The following TMEM94 variants were observed in gnomAD, a reference collection of about 807,000 sequenced individuals.
TMEM94 encodes the protein ER Mg2+ ATPase.
A neutral mutation model predicts 158.6 loss-of-function variants in TMEM94; 81 were observed. The observed-to-expected ratio is 0.51, with a 90% CI of 0.43 to 0.61. The LOEUF is 0.61. Among genes scored for constraint, TMEM94 ranks in the 20% least tolerant of loss-of-function variants. The probability of loss-of-function intolerance (pLI) is 0.00; values close to 1 mark genes in which losing one functional copy is unlikely to be tolerated. For synonymous variants in TMEM94, 751 were observed against 730.7 expected, an observed-to-expected ratio of 1.03 and a Z score of -0.45; for missense variants, 1,435 against 1,762.0, an observed-to-expected ratio of 0.81 and a Z score of 3.32.
intron 2 of TMEM94, among the ~76,000 whole-genome samples, chr17:75,478,447 C>A (rs978718162): frequency 2.0e-5 from 3 of 152,010 alleles, no homozygotes; most frequent in Non-Finnish European, 4.4e-5. Context: ...ACGGAAGCGG[C>A]ACAGGAGAGC....
intron 2 of TMEM94, among the ~76,000 whole-genome samples, chr17:75,481,510 G>A (rs1211883541): frequency 6.6e-6 from 1 of 152,230 alleles, no homozygotes; most frequent in Non-Finnish European, 1.5e-5. Context: ...GCAGGGGGCA[G>A]CATCCCTGGG....
In TMEM94 at chr17:75,490,073, G is replaced by A. The variant is rs113777250; in HGVS notation, c.955-161G>A. The A allele has an allele frequency of 5.6e-3, 5,258 of 940,266 alleles. 196 individuals are homozygous for A. In the African/African-American group the frequency reaches 0.12, roughly 22 times the overall value. 58.2% of individuals were successfully genotyped at this position (940,266 alleles called of 1,614,324 possible). ...CAGCCTGGCGACGGAGCAAGACTCC[G>A]TCTCAAAAAAAAAAAAAAAGAACAC... On this transcript the variant is annotated intron_variant, in intron 9 of 31. Coordinates refer to ENST00000314256, the MANE Select transcript of TMEM94 (RefSeq NM_014738.6).
rs747217252 is a variant in TMEM94, at chr17:75,486,379, G to A, written c.362G>A (p.Arg121His). 1.5e-5 allele frequency: 24 copies of A among 1,614,112 alleles called. No individual in the cohort carries two copies. The highest frequency in any genetic ancestry group is 1.3e-5 in the African/African-American group (1 of 74,934). Residue 121 changes from arginine (R) to histidine (H), a missense_variant, in exon 5 of 32, where the codon CGT (arginine) becomes CAT (histidine). Coordinates refer to ENST00000314256, the MANE Select transcript of TMEM94 (RefSeq NM_014738.6). Reference sequence around the variant, plus strand: ...ATCGGGCGGCAAGACCGGCTGAAGCGTCGGGAGGTAGAGCGGAGGCTGCGA... The same window carrying A: ...ATCGGGCGGCAAGACCGGCTGAAGCATCGGGAGGTAGAGCGGAGGCTGCGA... The part of the protein sequence containing the change: ...VLIGRQDRLK[R>H]REVERRLRGI...
rs1410403532 is a variant in TMEM94 at position 75,496,327 on chromosome 17, C to G, written c.3099C>G (p.Thr1033=). ...ACCCATCCCGTTGCTCCTGGGAGAC[C>G]TTTGGCTACGCCACCAGCATCAGCA... ...PLYPSRCSWE[T]FGYATSISMA... Residue 1033 remains threonine (T), a synonymous_variant, in exon 24 of 32, where the codon ACC becomes ACG. Transcript: ENST00000314256. 61 of 1,614,070 alleles carry G rather than the reference C, an allele frequency of 3.8e-5. 1 individual carries two copies. The East Asian group carries it at 1.3e-3, about 35-fold the overall frequency.
rs371674695 is a variant in TMEM94 at position 75,496,550 on chromosome 17, T to C, written c.3243+79T>C. 1.4e-3 allele frequency: 2,077 copies of C among 1,519,046 alleles called. 31 individuals are homozygous for C. In the Middle Eastern group the frequency reaches 0.061, roughly 44 times the overall value. 94.1% of individuals were successfully genotyped at this position (1,519,046 alleles called of 1,614,324 possible). A position where few individuals can be genotyped will look rare whatever the true frequency, so the allele number is the denominator to read the frequency against. On this transcript the variant is annotated intron_variant, in intron 24 of 31. Coordinates refer to ENST00000314256, the MANE Select transcript of TMEM94 (RefSeq NM_014738.6). ...GTGGGAGTAGCAGCAAAGGACCTGT[T>C]TGAACCCGGGGACCTCATTCCCCAG...
rs773740855 is a variant in TMEM94 at position 75,485,932 on chromosome 17, G to A, written c.206G>A (p.Gly69Glu). ...SNRCSCFHWP[G>E]ASLMLLAVLL... is the part of the protein sequence containing the mutation. The stretch of plus-strand genomic sequence containing the variant: ...CGCTGCTCCTGCTTCCACTGGCCGG[G>A]GGCCTCACTCATGCTACTGGCCGTG... Residue 69 changes from glycine to glutamate, a missense_variant, in exon 4 of 32, where the codon GGG becomes GAG. Gly to Glu is a moderately conservative substitution (Grantham distance 98). Coordinates refer to ENST00000314256, the MANE Select transcript of TMEM94 (RefSeq NM_014738.6). The surrounding 1 kb of genome is among the most constrained non-coding windows in gnomAD (Gnocchi z 5.5). The A allele has an allele frequency of 1.9e-6, 3 of 1,613,800 alleles. No individual in the cohort carries two copies. Among genetic ancestry groups the A allele is most frequent in the Non-Finnish European group, 2.5e-6 (3 of 1,179,950 alleles).
rs61277546 is a variant in TMEM94, at chr17:75,485,036, TAAA to T, written c.25-377_25-375del. 2.3e-5 allele frequency among the ~76,000 whole-genome samples: 3 copies of T among 129,442 alleles called. No individual in the cohort carries two copies. The highest frequency in any genetic ancestry group is 5.0e-5 in the Non-Finnish European group (3 of 59,432). The allele number at this position is 129,442 out of a possible 152,430, so 84.9% of individuals were successfully genotyped here. ...CTAGGAGACTAAGCAAGACTCTATC[TAAA>T]AAAAAAAAAAAAAATTGTCCATGCA... On this transcript the variant is annotated intron_variant, in intron 2 of 31. Transcript: ENST00000314256. This position sits in a 1 kb window ranked among gnomAD's most constrained non-coding sequence, Gnocchi z 5.5.
chr17:75,489,550 G>A lies in TMEM94; in HGVS notation c.868-26G>A, dbSNP rs1243724652. 1 of 1,607,086 alleles carries A rather than the reference G, an allele frequency of 6.2e-7. No individual in the cohort carries two copies. The highest frequency in any genetic ancestry group is 1.1e-5 in the South Asian group (1 of 90,948). On this transcript the variant is annotated intron_variant, in intron 8 of 31. Transcript: ENST00000314256. This position sits in a 1 kb window ranked among gnomAD's most constrained non-coding sequence, Gnocchi z 5.0. ...GGTCCCTCTAGAGGGGCGGGGTCAAGGCTGTGCCTCTGCTGTTCCCAACAG... is the reference window on the plus strand; with the variant it reads ...GGTCCCTCTAGAGGGGCGGGGTCAAAGCTGTGCCTCTGCTGTTCCCAACAG...
In TMEM94 at chr17:75,491,130, C is replaced by A; in HGVS notation, c.1210C>A (p.Leu404Met). The change falls in exon 12 of 32, where the codon CTG becomes ATG. Residue 404 changes from leucine to methionine, a missense_variant. This residue lies in a region of TMEM94 where 1,051 missense variants were observed against 1,254.4 expected (regional missense o/e 0.84). Transcript: ENST00000314256. The surrounding 1 kb of genome is among the most constrained non-coding windows in gnomAD (Gnocchi z 5.1). Reference protein sequence around the residue: ...SPTLSHSSSLLHSLGSVTVLC... With the variant: ...SPTLSHSSSLMHSLGSVTVLC... ...AACGCTGAGCCACAGTTCCAGCCTG[C>A]TGCACAGCCTGGGCTCTGTCACGGT... 1 of 1,612,492 alleles carries A rather than the reference C, an allele frequency of 6.2e-7. No homozygotes were observed. Among genetic ancestry groups the A allele is most frequent in the Non-Finnish European group, 8.5e-7 (1 of 1,179,096 alleles).
In TMEM94 at chr17:75,485,463, G is replaced by A. The variant is rs1473271795; in HGVS notation, c.60G>A (p.Arg20=). ...EPPSALGLST[R]KALSVLKEQL... ...CCTCAGCCCTGGGCCTGTCCACGCG[G>A]AAGGCCCTCAGCGTCCTGAAGGAGC... Residue 20 remains arginine (R), a synonymous_variant, in exon 3 of 32, where the codon CGG becomes CGA. Transcript: ENST00000314256. This position sits in a 1 kb window ranked among gnomAD's most constrained non-coding sequence, Gnocchi z 5.5. 6.2e-7 allele frequency: 1 copy of A among 1,614,144 alleles called. No homozygotes were observed. The highest frequency in any genetic ancestry group is 8.5e-7 in the Non-Finnish European group (1 of 1,179,970).
In TMEM94 at chr17:75,492,230, TC is replaced by T; in HGVS notation, c.1597-243del. Reference sequence around the variant, plus strand: ...GTGTCCTCTTTGGTCTGGCCACCCCTCTTTTTAGCTCCTGCCAGTGTCATGA... The same window carrying T: ...GTGTCCTCTTTGGTCTGGCCACCCCTTTTTTAGCTCCTGCCAGTGTCATGA... On this transcript the variant is annotated intron_variant, in intron 14 of 31. Transcript: ENST00000314256. The surrounding 1 kb of genome is among the most constrained non-coding windows in gnomAD (Gnocchi z 4.4). 2.1e-6 allele frequency: 3 copies of T among 1,417,934 alleles called. No individual in the cohort carries two copies. Among genetic ancestry groups the T allele is most frequent in the Non-Finnish European group, 2.8e-6 (3 of 1,090,780 alleles). 87.8% of individuals were successfully genotyped at this position (1,417,934 alleles called of 1,614,324 possible).
At position 75,487,906 on chromosome 17, in the gene TMEM94, T is replaced by A. The variant is rs1341964372; in HGVS notation, c.410-26T>A. 5.7e-6 allele frequency: 9 copies of A among 1,586,710 alleles called. No homozygotes were observed. Among genetic ancestry groups the A allele is most frequent in the Non-Finnish European group, 7.8e-6 (9 of 1,155,984 alleles). ...GGGGCAGGGCCGTGGCTGAGAGGGT[T>A]GTTTCCCTCTTTCCATTCCCCTCAG... On this transcript the variant is annotated intron_variant, in intron 5 of 31. Transcript: ENST00000314256. This position sits in a 1 kb window ranked among gnomAD's most constrained non-coding sequence, Gnocchi z 4.6.
Position 75,496,459 on chromosome 17 carries a change from G to T in TMEM94, c.3231G>T (p.Arg1077=). Residue 1077 remains arginine (R), a synonymous_variant, in exon 24 of 32, where the codon CGG becomes CGT. Transcript: ENST00000314256. ...FRQEETISII[R]LIEQARHATY... is the part of the protein sequence containing the mutation. Reference sequence around the variant, plus strand: ...AGGAGGAGACCATCAGCATCATCCGGCTTATCGAACAGGTGGGTGCTTCGG... The same window carrying T: ...AGGAGGAGACCATCAGCATCATCCGTCTTATCGAACAGGTGGGTGCTTCGG... 5 of 1,612,468 alleles carry T rather than the reference G, an allele frequency of 3.1e-6. No homozygotes were observed. The highest frequency in any genetic ancestry group is 4.2e-6 in the Non-Finnish European group (5 of 1,179,262).
chr17:75,472,463 A>G (rs1482356548), intron 2 of TMEM94, among the ~76,000 whole-genome samples: 1 of 152,210 alleles, frequency 6.6e-6, no homozygotes, highest in African/African-American at 2.4e-5. Flanking sequence ...TAGAGTTGTC[A>G]ATCAGAAAAC....
At chr17:75,497,714 C>G (rs1361435702) in intron 26 of TMEM94, 67 bp from the exon 27 acceptor site, 1 of 1,300,958 alleles carries the variant, frequency 7.7e-7, no homozygotes, top group Admixed American at 1.7e-5. Context: ...CCTAGAGGTT[C>G]CCTCTATGAG....
intron 2 of TMEM94, among the ~76,000 whole-genome samples, chr17:75,483,803 A>C (rs75624238): frequency 0.053 from 8,143 of 152,206 alleles, 231 homozygotes; most frequent in Middle Eastern, 0.099. Flanking sequence ...CCTGTGAAGC[A>C]GCTGTAGGCC....
chr17:75,496,721 G>T lies in TMEM94; in HGVS notation c.3244-9G>T. 1 of 1,613,556 alleles carries T rather than the reference G, an allele frequency of 6.2e-7. No homozygotes were observed. Reference sequence around the variant, plus strand: ...ACCCAGGCCATAATCTGTCCCTCTTGGTCCCTAGGCTCGGCATGCCACCTA... The same window carrying T: ...ACCCAGGCCATAATCTGTCCCTCTTTGTCCCTAGGCTCGGCATGCCACCTA... On this transcript the variant is annotated splice_polypyrimidine_tract_variant and intron_variant, in intron 24 of 31. Coordinates refer to ENST00000314256, the MANE Select transcript of TMEM94 (RefSeq NM_014738.6).
chr17:75,492,770 C>A lies in TMEM94; in HGVS notation c.1893C>A (p.Cys631Ter). 6.2e-7 allele frequency: 1 copy of A among 1,606,036 alleles called. No individual in the cohort carries two copies. Among genetic ancestry groups the A allele is most frequent in the Non-Finnish European group, 8.5e-7 (1 of 1,178,960 alleles). The change falls in exon 15 of 32, where the codon TGC (cysteine) becomes TGA (stop). Residue 631 changes from cysteine to a stop codon, truncating the protein, a stop_gained. Coordinates refer to ENST00000314256, the MANE Select transcript of TMEM94 (RefSeq NM_014738.6). LOFTEE classifies it high-confidence loss of function. The surrounding 1 kb of genome is among the most constrained non-coding windows in gnomAD (Gnocchi z 4.4). ...VLPVHVPWGL[C>*]ELARLIGFTP... ...CCGTCCATGTGCCCTGGGGCCTCTGCGAGCTTGCCCGCCTCATTGGTACAG... is the reference window on the plus strand; with the variant it reads ...CCGTCCATGTGCCCTGGGGCCTCTGAGAGCTTGCCCGCCTCATTGGTACAG...
Position 75,490,869 on chromosome 17 carries a change from C to T in TMEM94, c.1128+111C>T, listed in dbSNP as rs188580005. On this transcript the variant is annotated intron_variant, in intron 11 of 31. Transcript: ENST00000314256. ...CAACCAGGCTCTTAGAGCCCCATGT[C>T]CACCCGTTACATGTGGACATAACCT... 103 of 1,065,286 alleles carry T rather than the reference C, an allele frequency of 9.7e-5. 2 individuals carry two copies. Among genetic ancestry groups the T allele is most frequent in the Admixed American group, 9.0e-4 (48 of 53,066 alleles). 66.0% of individuals were successfully genotyped at this position (1,065,286 alleles called of 1,614,324 possible).
Sources: allele counts gnomAD v4.1 joint callset (sites outside exome capture counted in the v4.1 genomes callset), GRCh38; gene constraint gnomAD v4.1.1; regional missense constraint gnomAD v4.1.1; non-coding constraint Gnocchi (gnomAD v3.1); transcripts MANE v1.5; gene names NCBI Gene and HGNC (gene_info 2026-07-23, HGNC 2026-07-21).